The following BLCAP variants were observed in gnomAD, a reference collection of about 807,000 sequenced individuals.
BLCAP encodes BLCAP apoptosis inducing factor.
A neutral mutation model predicts 5.7 loss-of-function variants in BLCAP; 1 was observed. That is an observed-to-expected ratio of 0.18 (90% CI 0.06 to 0.83). The LOEUF is 0.83. Among genes scored for constraint, BLCAP ranks in the 40% least tolerant of loss-of-function variants. The pLI is 0.71. For synonymous variants in BLCAP, 48 were observed against 49.4 expected, an observed-to-expected ratio of 0.97 and a Z score of 0.11; for missense variants, 66 against 107.6, an observed-to-expected ratio of 0.61 and a Z score of 1.71.
chr20:37,522,598 G>GGGGGGGGGGCGCC, intron 1 of BLCAP: 1 of 864,474 alleles, frequency 1.2e-6, no homozygotes, highest in Non-Finnish European at 1.7e-6. Context: ...GCGGGGGTGG[G>GGGGGGGGGGCGCC]CACGGCAGCA....
chr20:37,521,000 C>T (rs1191163454), intron 1 of BLCAP, among the ~76,000 whole-genome samples: 2 of 152,174 alleles, frequency 1.3e-5, no homozygotes, highest in African/African-American at 4.8e-5. Flanking sequence ...CTGTACTCTA[C>T]CCAGAGTCGT....
At chr20:37,526,932 GGGCAGAGAAGCC>G (rs2071732269) in intron 1 of BLCAP, 1 of 152,208 alleles carries the variant, frequency 6.6e-6, no homozygotes, top group Non-Finnish European at 1.5e-5. Flanking sequence ...ATGTCAGGCA[GGGCAGAGAAGCC>G]GTCCCCAACA....
In BLCAP at chr20:37,521,582, C is replaced by T. The variant is rs377336324; in HGVS notation, c.-176-2232G>A. On this transcript the variant is annotated intron_variant, in intron 1 of 1. Transcript: ENST00000373537. This position sits in a 1 kb window ranked among gnomAD's most constrained non-coding sequence, Gnocchi z 4.5. ...CCTGCCCATTCCCTGCGCCGTCCTC[C>T]TCGCGCTGACCCTCCCTAGTGCGCC... 1.5e-5 allele frequency: 10 copies of T among 645,330 alleles called. No individual in the cohort carries two copies. The South Asian group carries it at 1.6e-4, about 11-fold the overall frequency. 40.0% of individuals were successfully genotyped at this position (645,330 alleles called of 1,614,324 possible).
In BLCAP at chr20:37,519,076, C is replaced by G. The variant is rs1029328152; in HGVS notation, c.99G>C (p.Leu33=). 3 of 1,613,964 alleles carry G rather than the reference C, an allele frequency of 1.9e-6. No individual in the cohort carries two copies. In the African/African-American group the frequency reaches 4.0e-5, roughly 22 times the overall value. ...GCTTCCGTTCCAGGAGGAAGCTGAG[C>G]AGGTAGAAGCCCATGAACATGGAGT... is the stretch of plus-strand genomic sequence containing the variant. ...FSHSMFMGFY[L]LSFLLERKPC... is the part of the protein sequence containing the mutation. Residue 33 remains leucine (L), a synonymous_variant, in exon 2 of 2, where the codon CTG becomes CTC. Coordinates refer to ENST00000373537, the MANE Select transcript of BLCAP (RefSeq NM_006698.4).
intron 1 of BLCAP, among the ~76,000 whole-genome samples, chr20:37,524,959 G>C (rs554312866): frequency 6.6e-6 from 1 of 152,156 alleles, no homozygotes; most frequent in East Asian, 1.9e-4. Flanking sequence ...AACTGCCATA[G>C]CAGTGGCAAT....
rs560221594 is a variant in BLCAP, at chr20:37,521,911, A to C, written c.-176-2561T>G. On this transcript the variant is annotated intron_variant, in intron 1 of 1. Transcript: ENST00000373537. This position sits in a 1 kb window ranked among gnomAD's most constrained non-coding sequence, Gnocchi z 4.5. The stretch of plus-strand genomic sequence containing the variant: ...AAAAATAAAAATTACTTCGCAAAAA[A>C]AAAAAACCCTACAACGAATTAGAGA... 6.6e-6 allele frequency among the ~76,000 whole-genome samples: 1 copy of C among 151,920 alleles called. No homozygotes were observed. Among genetic ancestry groups the C allele is most frequent in the South Asian group, 2.1e-4 (1 of 4,828 alleles).
chr20:37,527,865 C>A lies in BLCAP; in HGVS notation c.-249G>T, dbSNP rs1236468542. ...GCCTGCCTCCACCTCAGCTCGCCAC[C>A]GACGCCGCAGGAAGCCGGGGAGACG... On this transcript the variant is annotated 5_prime_UTR_variant, in exon 1 of 2. Coordinates refer to ENST00000373537, the MANE Select transcript of BLCAP (RefSeq NM_006698.4). 6.6e-6 allele frequency: 1 copy of A among 152,564 alleles called. No homozygotes were observed. The highest frequency in any genetic ancestry group is 1.5e-5 in the Non-Finnish European group (1 of 68,290). The allele number at this position is 152,564 out of a possible 1,614,324, so 9.5% of individuals were successfully genotyped here. A position where few individuals can be genotyped will look rare whatever the true frequency, so the allele number is the denominator to read the frequency against.
At chr20:37,522,637 T>A in intron 1 of BLCAP, 1 of 1,591,532 alleles carries the variant, frequency 6.3e-7, no homozygotes. Flanking sequence ...TGCTCTCCAC[T>A]AAGGGTGGGT....
At chr20:37,524,114 CAGG>C (rs942889468) in intron 1 of BLCAP, among the ~76,000 whole-genome samples, 2 of 152,170 alleles carry the variant, frequency 1.3e-5, no homozygotes, top group African/African-American at 4.8e-5. Flanking sequence ...GGTCTCCATC[CAGG>C]AGCCCCAAAG....
Position 37,519,266 on chromosome 20 carries a change from C to A in BLCAP, c.-92G>T. ...GCCAGCGGGCGCAGGCGGCTGCCCT[C>A]CGCTTTCTTCAACCCTCACTCTCCA... is the stretch of plus-strand genomic sequence containing the variant. On this transcript the variant is annotated 5_prime_UTR_variant, in exon 2 of 2. Transcript: ENST00000373537. The A allele has an allele frequency of 3.5e-6, 5 of 1,427,244 alleles. No individual in the cohort carries two copies. Among genetic ancestry groups the A allele is most frequent in the Non-Finnish European group, 4.7e-6 (5 of 1,069,132 alleles). 88.4% of individuals were successfully genotyped at this position (1,427,244 alleles called of 1,614,324 possible). A position where few individuals can be genotyped will look rare whatever the true frequency, so the allele number is the denominator to read the frequency against.
In BLCAP at chr20:37,519,281, C is replaced by T; in HGVS notation, c.-107G>A. On this transcript the variant is annotated 5_prime_UTR_variant, in exon 2 of 2. Coordinates refer to ENST00000373537, the MANE Select transcript of BLCAP (RefSeq NM_006698.4). ...CGGCTGCCCTCCGCTTTCTTCAACC[C>T]TCACTCTCCAGGAGCTGAGCCGCTG... The T allele has an allele frequency of 1.5e-6, 2 of 1,359,608 alleles. No homozygotes were observed. The highest frequency in any genetic ancestry group is 9.9e-7 in the Non-Finnish European group (1 of 1,011,618). 84.2% of individuals were successfully genotyped at this position (1,359,608 alleles called of 1,614,324 possible).
chr20:37,518,782 G>T lies in BLCAP; in HGVS notation c.*129C>A. On this transcript the variant is annotated 3_prime_UTR_variant, in exon 2 of 2. Coordinates refer to ENST00000373537, the MANE Select transcript of BLCAP (RefSeq NM_006698.4). ...ACATTGTAAGGATAAAACATCACAG[G>T]CCAAAAAGGCGCCGTCAGGAATGTG... 7.6e-7 allele frequency: 1 copy of T among 1,316,740 alleles called. No individual in the cohort carries two copies. The highest frequency in any genetic ancestry group is 1.4e-5 in the South Asian group (1 of 70,334). The allele number at this position is 1,316,740 out of a possible 1,614,324, so 81.6% of individuals were successfully genotyped here.
chr20:37,522,507 G>A (rs2071619502), intron 1 of BLCAP: 1 of 1,522,086 alleles, frequency 6.6e-7, no homozygotes, highest in South Asian at 1.1e-5. Context: ...AAAAGCTCCA[G>A]CTGCCCTGAC....
Position 37,521,257 on chromosome 20 carries a change from C to T in BLCAP, c.-176-1907G>A. 2.0e-6 allele frequency: 3 copies of T among 1,505,200 alleles called. No homozygotes were observed. The highest frequency in any genetic ancestry group is 2.8e-6 in the Non-Finnish European group (3 of 1,081,954). 93.2% of individuals were successfully genotyped at this position (1,505,200 alleles called of 1,614,324 possible). A position where few individuals can be genotyped will look rare whatever the true frequency, so the allele number is the denominator to read the frequency against. On this transcript the variant is annotated intron_variant, in intron 1 of 1. Transcript: ENST00000373537. This position sits in a 1 kb window ranked among gnomAD's most constrained non-coding sequence, Gnocchi z 4.5. ...GGCCACCGCGGCTGCGGCAGTGCGC[C>T]CAACAGCGGACTCCGAGACCAGCGG... is the stretch of plus-strand genomic sequence containing the variant.
intron 1 of BLCAP, chr20:37,524,454 C>G (rs1165881855): frequency 6.6e-6 from 1 of 152,256 alleles, no homozygotes; most frequent in Non-Finnish European, 1.5e-5. Context: ...TCTTCCTCTC[C>G]CACTCCCCAG....
rs1300995921 is a variant in BLCAP, at chr20:37,522,533, G to C, written c.-176-3183C>G. ...CTGCCCTGACTCGTGGACAAGCTGC[G>C]CCCGCGCCCGCCTCTCCAGCCTACG... On this transcript the variant is annotated intron_variant, in intron 1 of 1. Transcript: ENST00000373537. 2 of 1,158,626 alleles carry C rather than the reference G, an allele frequency of 1.7e-6. 1 individual carries two copies. Among genetic ancestry groups the C allele is most frequent in the South Asian group, 2.9e-5 (2 of 68,496 alleles). The allele number at this position is 1,158,626 out of a possible 1,614,324, so 71.8% of individuals were successfully genotyped here.
chr20:37,525,218 C>G (rs1017359029), intron 1 of BLCAP, among the ~76,000 whole-genome samples: 3 of 152,188 alleles, frequency 2.0e-5, no homozygotes, highest in Admixed American at 6.5e-5. Flanking sequence ...CATGTGTTCT[C>G]CATGAAGGCT....
Position 37,519,287 on chromosome 20 carries a change from C to G in BLCAP, c.-113G>C. 7.7e-7 allele frequency: 1 copy of G among 1,302,048 alleles called. No individual in the cohort carries two copies. 80.7% of individuals were successfully genotyped at this position (1,302,048 alleles called of 1,614,324 possible). A position where few individuals can be genotyped will look rare whatever the true frequency, so the allele number is the denominator to read the frequency against. Reference sequence around the variant, plus strand: ...CCCTCCGCTTTCTTCAACCCTCACTCTCCAGGAGCTGAGCCGCTGTGCTCT... The same window carrying G: ...CCCTCCGCTTTCTTCAACCCTCACTGTCCAGGAGCTGAGCCGCTGTGCTCT... On this transcript the variant is annotated 5_prime_UTR_variant, in exon 2 of 2. Coordinates refer to ENST00000373537, the MANE Select transcript of BLCAP (RefSeq NM_006698.4).
rs1229957799 is a variant in BLCAP at position 37,521,016 on chromosome 20, C to T, written c.-176-1666G>A. ...TGTACTCTACCCAGAGTCGTGGTAC[C>T]CCTCCATTTTAAAGCAAAATCCAAA... On this transcript the variant is annotated intron_variant, in intron 1 of 1. Coordinates refer to ENST00000373537, the MANE Select transcript of BLCAP (RefSeq NM_006698.4). The surrounding 1 kb of genome is among the most constrained non-coding windows in gnomAD (Gnocchi z 4.5). Among the ~76,000 whole-genome samples the T allele has an allele frequency of 6.6e-6, 1 of 152,140 alleles. No homozygotes were observed. The highest frequency in any genetic ancestry group is 6.5e-5 in the Admixed American group (1 of 15,280).
Sources: allele counts gnomAD v4.1 joint callset (sites outside exome capture counted in the v4.1 genomes callset), GRCh38; gene constraint gnomAD v4.1.1; non-coding constraint Gnocchi (gnomAD v3.1); transcripts MANE v1.5; gene names NCBI Gene and HGNC (gene_info 2026-07-23, HGNC 2026-07-21).